NALF1: variants seen among roughly 807,000 people sequenced by gnomAD.
The protein encoded by NALF1 is family with sequence similarity 155 member A.
In NALF1, 3 loss-of-function variants were observed where a neutral mutation model predicts 48.4. That is an observed-to-expected ratio of 0.06 (90% CI 0.03 to 0.16). NALF1 has a LOEUF of 0.16. Ranked by LOEUF, NALF1 falls within the 10% of genes least tolerant of loss-of-function variation. The pLI is 1.00. For synonymous variants in NALF1, 262 were observed against 245.7 expected (o/e 1.07, Z -0.62); for missense variants, 526 against 571.5 (o/e 0.92, Z 0.81).
intron 1 of NALF1, among the ~76,000 whole-genome samples, chr13:107,766,995 C>CT: frequency 6.6e-6 from 1 of 152,150 alleles, no homozygotes; most frequent in East Asian, 1.9e-4. Context: ...AACAGAAAGA[C>CT]TTAGACGTGT....
At chr13:107,318,263 C>T (rs1882188248) in intron 1 of NALF1, among the ~76,000 whole-genome samples, 1 of 152,026 alleles carries the variant, frequency 6.6e-6, no homozygotes, top group Non-Finnish European at 1.5e-5. Context: ...AAAATTTTCA[C>T]CTGTTTGTTA....
At chr13:107,448,958 C>T (rs565451199) in intron 1 of NALF1, among the ~76,000 whole-genome samples, 11 of 152,200 alleles carry the variant, frequency 7.2e-5, no homozygotes, top group African/African-American at 1.9e-4. Flanking sequence ...GAACATCACA[C>T]GACTGCCAGG....
chr13:107,459,686 ATCCCCT>A (rs1884885807), intron 1 of NALF1, among the ~76,000 whole-genome samples: 1 of 152,068 alleles, frequency 6.6e-6, no homozygotes, highest in African/African-American at 2.4e-5. Flanking sequence ...GTAAGTAAAA[ATCCCCT>A]GTATGTAAGA....
At chr13:107,685,994 G>A (rs1881424470) in intron 1 of NALF1, among the ~76,000 whole-genome samples, 1 of 152,206 alleles carries the variant, frequency 6.6e-6, no homozygotes, top group South Asian at 2.1e-4. Context: ...ATTTACGATG[G>A]TGCCATGAAG....
chr13:107,566,078 CA>C (rs1877800271), intron 1 of NALF1, among the ~76,000 whole-genome samples: 1 of 152,140 alleles, frequency 6.6e-6, no homozygotes, highest in East Asian at 1.9e-4. Context: ...TAATTTACCT[CA>C]GTGTAGGTCA....
intron 1 of NALF1, among the ~76,000 whole-genome samples, chr13:107,520,977 C>G (rs887513786): frequency 1.3e-5 from 2 of 152,118 alleles, no homozygotes; most frequent in Non-Finnish European, 2.9e-5. Context: ...ATGCTTTACA[C>G]TGTATATTTT....
intron 1 of NALF1, among the ~76,000 whole-genome samples, chr13:107,591,102 T>C (rs1295222782): frequency 6.6e-6 from 1 of 151,966 alleles, no homozygotes; most frequent in Non-Finnish European, 1.5e-5. Context: ...AAATGCCTAA[T>C]GGAAGTAATA....
At chr13:107,383,703 T>G (rs1352069485) in intron 1 of NALF1, among the ~76,000 whole-genome samples, 1 of 152,206 alleles carries the variant, frequency 6.6e-6, no homozygotes, top group Non-Finnish European at 1.5e-5. Context: ...TCCCATTCCT[T>G]GCACCAGAAG....
At chr13:107,584,508 A>G (rs1878398464) in intron 1 of NALF1, among the ~76,000 whole-genome samples, 1 of 152,202 alleles carries the variant, frequency 6.6e-6, no homozygotes, top group African/African-American at 2.4e-5. Flanking sequence ...AGCAGTGATT[A>G]ATATGTTAAA....
chr13:107,563,175 T>G (rs764512952), intron 1 of NALF1, among the ~76,000 whole-genome samples: 7 of 152,230 alleles, frequency 4.6e-5, no homozygotes, highest in Non-Finnish European at 1.0e-4. Flanking sequence ...AAAACACTTT[T>G]GCCGCAAGGA....
chr13:107,676,843 T>C (rs1217419620), intron 1 of NALF1, among the ~76,000 whole-genome samples: 1 of 152,064 alleles, frequency 6.6e-6, no homozygotes, highest in Non-Finnish European at 1.5e-5. Context: ...ACTTTAAAAA[T>C]CATATAAATC....
chr13:107,368,227 A>G (rs1163556158), intron 1 of NALF1, among the ~76,000 whole-genome samples: 2 of 152,206 alleles, frequency 1.3e-5, no homozygotes, highest in Non-Finnish European at 2.9e-5. Context: ...AGTCCATAGA[A>G]AGCTCTCCAC....
intron 1 of NALF1, among the ~76,000 whole-genome samples, chr13:107,522,112 T>C (rs1011760333): frequency 1.3e-5 from 2 of 152,126 alleles, no homozygotes; most frequent in Non-Finnish European, 2.9e-5. Context: ...CCTCTTCCGC[T>C]TGCAACAAAA....
chr13:107,584,068 AG>A (rs200300343), intron 1 of NALF1, among the ~76,000 whole-genome samples: 22,281 of 152,130 alleles, frequency 0.15, 2,116 homozygotes, highest in Admixed American at 0.2. Context: ...CTGAACATAT[AG>A]AATCTATACT....
intron 1 of NALF1, among the ~76,000 whole-genome samples, chr13:107,245,483 T>C (rs4771564): frequency 0.15 from 22,657 of 152,108 alleles, 2,234 homozygotes; most frequent in East Asian, 0.4. Context: ...AACTCTGATT[T>C]CCAAGTCAAT....
At chr13:107,448,486 G>A (rs889106490) in intron 1 of NALF1, among the ~76,000 whole-genome samples, 2 of 152,158 alleles carry the variant, frequency 1.3e-5, no homozygotes, top group African/African-American at 2.4e-5. Flanking sequence ...CTCTGCAAGT[G>A]GAGAAGTAGG....
At chr13:107,414,202 A>G (rs1884044440) in intron 1 of NALF1, among the ~76,000 whole-genome samples, 1 of 140,370 alleles carries the variant, frequency 7.1e-6, no homozygotes, top group Admixed American at 7.2e-5. Flanking sequence ...ATAATTTGAA[A>G]AACATATATA....
intron 1 of NALF1, among the ~76,000 whole-genome samples, chr13:107,598,760 C>T (rs1333605525): frequency 2.6e-5 from 4 of 152,132 alleles, no homozygotes; most frequent in Non-Finnish European, 5.9e-5. Context: ...CTCTGATCAG[C>T]ATCATTTTAT....
intron 1 of NALF1, among the ~76,000 whole-genome samples, chr13:107,799,602 T>G (rs1412007620): frequency 6.6e-6 from 1 of 152,240 alleles, no homozygotes; most frequent in African/African-American, 2.4e-5. Flanking sequence ...TTTAAAAGGC[T>G]TGTTTTGCTT....
Sources: allele counts gnomAD v4.1 joint callset (sites outside exome capture counted in the v4.1 genomes callset), GRCh38; gene constraint gnomAD v4.1.1; transcripts MANE v1.5; gene names NCBI Gene and HGNC (gene_info 2026-07-23, HGNC 2026-07-21).